RYR3: variants seen among roughly 807,000 people sequenced by gnomAD.
RYR3 encodes the protein ryanodine receptor 3, also known as brain ryanodine receptor-calcium release channel.
Under a neutral mutation model 584.3 loss-of-function variants are expected in RYR3, and 207 were observed. The observed-to-expected ratio is 0.35, with a 90% CI of 0.32 to 0.40. The LOEUF is 0.40. Ranked by LOEUF, RYR3 falls within the 10% of genes least tolerant of loss-of-function variation. The pLI is 1.00. For synonymous variants in RYR3, 2,416 were observed against 2,248.5 expected (o/e 1.07, Z -2.11); for missense variants, 5,616 against 6,089.2 (o/e 0.92, Z 2.59).
chr15:33,838,947 A>C lies in RYR3; in HGVS notation c.12967A>C (p.Arg4323=). The C allele has an allele frequency of 6.2e-7, 1 of 1,607,520 alleles. No homozygotes were observed. Among genetic ancestry groups the C allele is most frequent in the Middle Eastern group, 1.7e-4 (1 of 6,008 alleles). ...PTLESTVQKK[R]KAQAAEMKAA... ...ATTAGAGAGTACTGTACAGAAGAAG[A>C]GGAAAGCTCAGGTAAGTGTCATTTG... Residue 4323 remains arginine (R), a synonymous_variant, in exon 89 of 104, where the codon AGG becomes CGG. Transcript: ENST00000634891.
chr15:33,551,259 A>G (rs760008356), intron 10 of RYR3, among the ~76,000 whole-genome samples: 3 of 152,198 alleles, frequency 2.0e-5, no homozygotes, highest in Non-Finnish European at 2.9e-5. Context: ...GTATAGCTCA[A>G]TATCTCCTTT....
chr15:33,819,962 T>A (rs2077026182), intron 77 of RYR3, among the ~76,000 whole-genome samples, 155 bp downstream of exon 77: 1 of 152,210 alleles, frequency 6.6e-6, no homozygotes, highest in Non-Finnish European at 1.5e-5. Context: ...AGAGATGATA[T>A]TAGTAAACCA....
rs1358686884 is a variant in RYR3 at position 33,780,332 on chromosome 15, G to A, written c.9259G>A (p.Glu3087Lys). The A allele has an allele frequency of 6.2e-6, 10 of 1,613,776 alleles. No homozygotes were observed. The highest frequency in any genetic ancestry group is 8.5e-6 in the Non-Finnish European group (10 of 1,179,796). Residue 3087 changes from glutamate (E) to lysine (K), a missense_variant, in exon 65 of 104, where the codon GAG becomes AAG. By Grantham distance (56) the Glu-to-Lys change is moderately conservative (BLOSUM62 1). Around this residue, in one of 9 missense-constraint regions of RYR3, gnomAD observed 954 missense variants for 1,132.2 expected, o/e 0.84. Transcript: ENST00000634891. The stretch of plus-strand genomic sequence containing the variant: ...GGTCTTCAACACCAAAACCCCCAGG[G>A]AGAGGTCTAGTAAGTATCTCCCCTC... Reference protein sequence around the residue: ...LSVFNTKTPRERSILGMPDTV... With the variant: ...LSVFNTKTPRKRSILGMPDTV...
chr15:33,332,020 A>C (rs953610595), intron 1 of RYR3, among the ~76,000 whole-genome samples: 3 of 152,070 alleles, frequency 2.0e-5, no homozygotes, highest in Non-Finnish European at 4.4e-5. Flanking sequence ...ACTATCCAGG[A>C]AGAAAGGAAG....
intron 48 of RYR3, 147 bp from the exon 49 acceptor site, chr15:33,736,088 A>G (rs890196849): frequency 1.7e-5 from 10 of 583,358 alleles, no homozygotes; most frequent in Non-Finnish European, 3.0e-5. Context: ...GTGTTTCATC[A>G]TCTACTCTTG....
At chr15:33,554,393 T>A (rs1251318881) in intron 10 of RYR3, among the ~76,000 whole-genome samples, 1 of 151,488 alleles carries the variant, frequency 6.6e-6, no homozygotes, top group Non-Finnish European at 1.5e-5. Context: ...CCTCCCGGCT[T>A]CACGCCATTC....
In RYR3 at chr15:33,854,750, T is replaced by C. The variant is rs2079471031; in HGVS notation, c.13861-16T>C. On this transcript the variant is annotated splice_polypyrimidine_tract_variant and intron_variant, in intron 97 of 103. Coordinates refer to ENST00000634891, the MANE Select transcript of RYR3 (RefSeq NM_001036.6). ...GAGGCAAACATGCTTAAAAGTCTGCTTTCTTCCATTCCCAGTCCTTTCTCT... is the reference window on the plus strand; with the variant it reads ...GAGGCAAACATGCTTAAAAGTCTGCCTTCTTCCATTCCCAGTCCTTTCTCT... 1 of 1,588,416 alleles carries C rather than the reference T, an allele frequency of 6.3e-7. No individual in the cohort carries two copies. The highest frequency in any genetic ancestry group is 8.5e-7 in the Non-Finnish European group (1 of 1,172,148).
chr15:33,503,859 A>C, intron 3 of RYR3, 121 bp downstream of exon 3: 1 of 645,568 alleles, frequency 1.5e-6, no homozygotes, highest in East Asian at 2.7e-5. Context: ...ATTCATATGG[A>C]GATAGTAAAT....
At chr15:33,694,139 C>G (rs1006610497) in intron 38 of RYR3, among the ~76,000 whole-genome samples, 2 of 150,234 alleles carry the variant, frequency 1.3e-5, no homozygotes, top group Non-Finnish European at 3.0e-5. Flanking sequence ...AAGCCAGGCA[C>G]TATCATCCTA....
At chr15:33,735,132 T>A (rs1366307428) in intron 48 of RYR3, among the ~76,000 whole-genome samples, 1 of 152,202 alleles carries the variant, frequency 6.6e-6, no homozygotes, top group Non-Finnish European at 1.5e-5. Context: ...ATTGTTTATT[T>A]TAATAAGTCA....
rs570734512 is a variant in RYR3 at position 33,770,330 on chromosome 15, C to T, written c.8816+1158C>T. ...GATGAGAAATCTTTACTCCAAGAAA[C>T]TTGGGAAAAGTCTTGAGAGAGTCCA... On this transcript the variant is annotated intron_variant, in intron 62 of 103. Coordinates refer to ENST00000634891, the MANE Select transcript of RYR3 (RefSeq NM_001036.6). Among the ~76,000 whole-genome samples the T allele has an allele frequency of 9.0e-4, 137 of 152,250 alleles. 1 individual carries two copies. Among genetic ancestry groups the T allele is most frequent in the African/African-American group, 3.2e-3 (133 of 41,536 alleles).
At chr15:33,775,575 T>C (rs112840384) in intron 64 of RYR3, among the ~76,000 whole-genome samples, 33 of 152,150 alleles carry the variant, frequency 2.2e-4, no homozygotes, top group Admixed American at 6.5e-5. Context: ...ATAAGACTTG[T>C]GTTTAGTGAT....
At position 33,503,650 on chromosome 15, in the gene RYR3, G is replaced by A. The variant is rs761781474; in HGVS notation, c.191G>A (p.Cys64Tyr). 2.0e-5 allele frequency: 32 copies of A among 1,610,066 alleles called. No individual in the cohort carries two copies. Among genetic ancestry groups the A allele is most frequent in the Non-Finnish European group, 2.5e-5 (29 of 1,177,280 alleles). Residue 64 changes from cysteine (C) to tyrosine (Y), a missense_variant, in exon 3 of 104, where the codon TGC becomes TAC. Cys to Tyr is a radical substitution (Grantham distance 194, BLOSUM62 -2). Coordinates refer to ENST00000634891, the MANE Select transcript of RYR3 (RefSeq NM_001036.6). ...SEAKYIPPDL[C>Y]VCNFVLEQSL... ...CCACAGTACATTCCTCCAGATCTCT[G>A]CGTCTGCAATTTTGTGCTGGAACAG...
Position 33,706,922 on chromosome 15 carries a change from G to C in RYR3, c.6487G>C (p.Val2163Leu). Residue 2163 changes from valine to leucine, a missense_variant, in exon 43 of 104, where the codon GTG (valine) becomes CTG (leucine). By Grantham distance (32) the Val-to-Leu change is conservative (BLOSUM62 1). Coordinates refer to ENST00000634891, the MANE Select transcript of RYR3 (RefSeq NM_001036.6). ...ACTTTTGTACTGTTTCTGGCAGGTG[G>C]TGACCTACTTGGCAGGCTGTGGCCT... ...SLEEPDLEKV[V>L]TYLAGCGLQS... The C allele has an allele frequency of 6.2e-7, 1 of 1,603,576 alleles. No homozygotes were observed. Among genetic ancestry groups the C allele is most frequent in the Non-Finnish European group, 8.5e-7 (1 of 1,174,506 alleles).
rs544392727 is a variant in RYR3 at position 33,427,375 on chromosome 15, G to GA, written c.52-46042dup. 2.9e-4 allele frequency among the ~76,000 whole-genome samples: 44 copies of GA among 152,312 alleles called. 1 individual carries two copies. Among genetic ancestry groups the GA allele is most frequent in the African/African-American group, 1.0e-3 (43 of 41,568 alleles). ...TATAGTCCCAGCTTCTTGGGAGGCTGAAGCAGGAAGATCATGTGAGCCCAG... is the reference window on the plus strand; with the variant it reads ...TATAGTCCCAGCTTCTTGGGAGGCTGAAAGCAGGAAGATCATGTGAGCCCAG... On this transcript the variant is annotated intron_variant, in intron 1 of 103. Coordinates refer to ENST00000634891, the MANE Select transcript of RYR3 (RefSeq NM_001036.6).
At chr15:33,510,660 A>T (rs771867751) in intron 3 of RYR3, among the ~76,000 whole-genome samples, 1 of 150,994 alleles carries the variant, frequency 6.6e-6, no homozygotes, top group Non-Finnish European at 1.5e-5. Flanking sequence ...GGGACATATC[A>T]TGTATATTTG....
intron 4 of RYR3, among the ~76,000 whole-genome samples, chr15:33,531,221 G>T (rs867741417): frequency 6.6e-6 from 1 of 152,154 alleles, no homozygotes; most frequent in Admixed American, 6.5e-5. Context: ...ACAGAAAGCT[G>T]CATGGCTATT....
At chr15:33,683,107 T>G (rs1163076543) in intron 38 of RYR3, among the ~76,000 whole-genome samples, 1 of 151,880 alleles carries the variant, frequency 6.6e-6, no homozygotes, top group African/African-American at 2.4e-5. Context: ...CCATTCTCCT[T>G]CCTCAGCCTC....
intron 8 of RYR3, among the ~76,000 whole-genome samples, chr15:33,546,646 A>T (rs2056263562): frequency 6.6e-6 from 1 of 152,216 alleles, no homozygotes; most frequent in Non-Finnish European, 1.5e-5. Flanking sequence ...TTAAATTTTC[A>T]CAACATTGTT....
Sources: gnomAD v4.1 joint callset for allele counts (sites outside exome capture counted in the v4.1 genomes callset) on GRCh38, gnomAD v4.1.1 for gene constraint, gnomAD v4.1.1 regional missense constraint, MANE v1.5 for transcripts, NCBI Gene and HGNC (gene_info 2026-07-23, HGNC 2026-07-21) for gene names.